The following SNW1 variants were observed in gnomAD, a reference collection of about 807,000 sequenced individuals.
SNW1 encodes the protein SNW domain containing 1, also known as SNW domain-containing protein 1.
Under a neutral mutation model 75.6 loss-of-function variants are expected in SNW1, and 9 were observed. The ratio of observed to expected loss-of-function variants is 0.12; its 90% CI spans 0.07 to 0.21. The LOEUF (loss-of-function observed/expected upper bound fraction) is 0.21. Ranked by LOEUF, SNW1 falls within the 10% of genes least tolerant of loss-of-function variation. The pLI, the probability that SNW1 is intolerant of heterozygous loss-of-function variation, is 1.00. For missense variants in SNW1, 409 were observed against 670.9 expected, an observed-to-expected ratio of 0.61 and a Z score of 4.31; for synonymous variants, 200 against 219.1, an observed-to-expected ratio of 0.91 and a Z score of 0.77.
chr14:77,719,141 T>G (rs997569283), intron 12 of SNW1, among the ~76,000 whole-genome samples: 3 of 152,110 alleles, frequency 2.0e-5, no homozygotes, highest in African/African-American at 7.2e-5. Flanking sequence ...GTTCAAGCAA[T>G]CTGCCTGCCT....
At chr14:77,723,497 G>A (rs1433014297) in intron 10 of SNW1, among the ~76,000 whole-genome samples, 5 of 152,100 alleles carry the variant, frequency 3.3e-5, no homozygotes, top group African/African-American at 9.7e-5. Context: ...CCACAGATGT[G>A]TGCCACCATG....
At chr14:77,739,093 A>G in intron 3 of SNW1, 32 bp from the exon 4 acceptor site, 2 of 1,533,890 alleles carry the variant, frequency 1.3e-6, no homozygotes, top group South Asian at 2.2e-5. Flanking sequence ...AGGCTTAAGA[A>G]AAGCAAACAA....
intron 5 of SNW1, among the ~76,000 whole-genome samples, chr14:77,737,337 G>A (rs1182969442): frequency 6.6e-6 from 1 of 152,018 alleles, no homozygotes; most frequent in Non-Finnish European, 1.5e-5. Context: ...GGAAGGTGCC[G>A]TGTTCAGTTT....
rs10140704 is a variant in SNW1 at position 77,736,036 on chromosome 14, A to G, written c.639-30T>C. Reference sequence around the variant, plus strand: ...AGTATAAAAACACAACCAGAGAGTGATATAGTTTCCTCCCTTTTAGTCATC... The same window carrying G: ...AGTATAAAAACACAACCAGAGAGTGGTATAGTTTCCTCCCTTTTAGTCATC... On this transcript the variant is annotated intron_variant, in intron 6 of 13. Coordinates refer to ENST00000261531, the MANE Select transcript of SNW1 (RefSeq NM_012245.3). The G allele has an allele frequency of 5.1e-3, 7,809 of 1,535,424 alleles. 286 individuals are homozygous for G. In the African/African-American group the frequency reaches 0.086, roughly 17 times the overall value.
intron 4 of SNW1, 23 bp downstream of exon 4, chr14:77,738,943 C>T (rs750766474): frequency 2.1e-5 from 33 of 1,609,088 alleles, no homozygotes; most frequent in Non-Finnish European, 2.8e-5. Flanking sequence ...AAATAGTCAT[C>T]GAATATATCA....
chr14:77,751,829 CACACACACACACACACCACA>C (rs2080810054), intron 2 of SNW1, among the ~76,000 whole-genome samples: 1 of 123,716 alleles, frequency 8.1e-6, no homozygotes, highest in Non-Finnish European at 1.8e-5. Flanking sequence ...CACACACACA[CACACACACACACACACCACA>C]CACACACACA....
chr14:77,723,290 T>C lies in SNW1; in HGVS notation c.1034-13A>G, dbSNP rs370865023. ...GCCTCCCCATCCTCTGTGTGAACAG[T>C]TGAAAAGTACTTCACTGTAATATGT... On this transcript the variant is annotated splice_polypyrimidine_tract_variant and intron_variant, in intron 10 of 13. Transcript: ENST00000261531. The C allele has an allele frequency of 3.1e-6, 5 of 1,591,710 alleles. No homozygotes were observed. The highest frequency in any genetic ancestry group is 3.4e-6 in the Non-Finnish European group (4 of 1,159,794).
chr14:77,735,772 T>C (rs1237796110), intron 7 of SNW1, among the ~76,000 whole-genome samples, 165 bp downstream of exon 7: 2 of 152,148 alleles, frequency 1.3e-5, no homozygotes, highest in Non-Finnish European at 2.9e-5. Context: ...ACAGCTAACA[T>C]GTTATATACA....
chr14:77,735,900 A>C (rs533103757), intron 7 of SNW1, 37 bp downstream of exon 7: 5 of 1,539,364 alleles, frequency 3.2e-6, no homozygotes, highest in Non-Finnish European at 4.5e-6. Context: ...AATAACCATG[A>C]GTAGAAAAAA....
chr14:77,735,903 A>G, intron 7 of SNW1, 34 bp downstream of exon 7: 5 of 1,565,780 alleles, frequency 3.2e-6, no homozygotes, highest in Non-Finnish European at 4.4e-6. Context: ...AACCATGAGT[A>G]GAAAAAAATA....
chr14:77,723,341 G>GT, intron 10 of SNW1, 64 bp from the exon 11 acceptor site: 1 of 1,177,804 alleles, frequency 8.5e-7, no homozygotes, highest in South Asian at 1.2e-5. Context: ...ACGTGTACAC[G>GT]TGTGTATATA....
At chr14:77,744,210 T>G (rs1020681416) in intron 3 of SNW1, among the ~76,000 whole-genome samples, 1 of 150,270 alleles carries the variant, frequency 6.7e-6, no homozygotes, top group Non-Finnish European at 1.5e-5. Context: ...CCCAGCACTT[T>G]GGGAAGCTGA....
At position 77,761,118 on chromosome 14, in the gene SNW1, T is replaced by A; in HGVS notation, c.10A>T (p.Thr4Ser). The change falls in exon 1 of 14, where the codon ACC becomes TCC. Residue 4 changes from threonine to serine, a missense_variant. This residue lies in a region of SNW1 where 73 missense variants were observed against 68.3 expected (regional missense o/e 1.07). Coordinates refer to ENST00000261531, the MANE Select transcript of SNW1 (RefSeq NM_012245.3). ...GGACCCCAATCAACAACCCACCTGG[T>A]GAGCGCCATCTTCTTCCGCTTCTTC... MAL[T>S]SFLPAPTQLS... is the part of the protein sequence containing the mutation. The A allele has an allele frequency of 6.2e-7, 1 of 1,614,226 alleles. No individual in the cohort carries two copies. Among genetic ancestry groups the A allele is most frequent in the South Asian group, 1.1e-5 (1 of 91,062 alleles).
intron 10 of SNW1, among the ~76,000 whole-genome samples, 190 bp from the exon 11 acceptor site, chr14:77,723,467 A>C (rs2080560164): frequency 6.6e-6 from 1 of 152,144 alleles, no homozygotes; most frequent in South Asian, 2.1e-4. Flanking sequence ...CTCCTGCCTC[A>C]TCCTCCCGAG....
At chr14:77,741,592 T>C (rs528601268) in intron 3 of SNW1, among the ~76,000 whole-genome samples, 16 of 152,196 alleles carry the variant, frequency 1.1e-4, no homozygotes, top group Middle Eastern at 3.4e-3. Flanking sequence ...AGTGTTGATT[T>C]TGGAAGGGAC....
At chr14:77,721,034 G>T in intron 11 of SNW1, 1 of 538,730 alleles carries the variant, frequency 1.9e-6, no homozygotes, top group South Asian at 2.2e-5. Context: ...CAATTAGGAC[G>T]TCCTGTTAGC....
chr14:77,735,883 T>C (rs532716162), intron 7 of SNW1, 54 bp downstream of exon 7: 7 of 1,414,194 alleles, frequency 4.9e-6, no homozygotes, highest in African/African-American at 4.3e-5. Context: ...AGGTTATCTA[T>C]AAAATTAATA....
At chr14:77,726,392 C>T (rs1253664172) in intron 10 of SNW1, among the ~76,000 whole-genome samples, 1 of 152,178 alleles carries the variant, frequency 6.6e-6, no homozygotes, top group Non-Finnish European at 1.5e-5. Flanking sequence ...CACCTGACCT[C>T]AAGTAATCCT....
intron 11 of SNW1, chr14:77,722,833 C>T (rs1003067073): frequency 7.5e-6 from 3 of 400,452 alleles, no homozygotes; most frequent in Non-Finnish European, 9.5e-6. Context: ...ATGATTGGTA[C>T]ATATCTTTTT....
Sources: allele counts gnomAD v4.1 joint callset (sites outside exome capture counted in the v4.1 genomes callset), GRCh38; gene constraint gnomAD v4.1.1; regional missense constraint gnomAD v4.1.1; transcripts MANE v1.5; gene names NCBI Gene and HGNC (gene_info 2026-07-23, HGNC 2026-07-21).